The following ANKIB1 variants were observed in gnomAD, a reference collection of about 807,000 sequenced individuals.
ANKIB1 encodes ankyrin repeat and IBR domain-containing protein 1.
In ANKIB1, 43 loss-of-function variants were observed where a neutral mutation model predicts 122.1. That is an observed-to-expected ratio of 0.35 (90% CI 0.28 to 0.45). The LOEUF (loss-of-function observed/expected upper bound fraction) is 0.45, where lower values mean the gene tolerates loss of function less well. Among genes scored for constraint, ANKIB1 ranks in the 20% least tolerant of loss-of-function variants. The pLI, the probability that ANKIB1 is intolerant of heterozygous loss-of-function variation, is 1.00. For synonymous variants in ANKIB1, 390 were observed against 442.0 expected, an observed-to-expected ratio of 0.88 and a Z score of 1.48; for missense variants, 992 against 1,329.5, an observed-to-expected ratio of 0.75 and a Z score of 3.95.
intron 10 of ANKIB1, among the ~76,000 whole-genome samples, chr7:92,371,005 G>C (rs972938478): frequency 3.9e-4 from 59 of 152,132 alleles, no homozygotes; most frequent in Admixed American, 3.2e-3. Flanking sequence ...AGCTTATCCA[G>C]AATAATCATG....
rs762401711 is a variant in ANKIB1 at position 92,398,439 on chromosome 7, C to T, written c.2760C>T (p.Asp920=). 6.2e-7 allele frequency: 1 copy of T among 1,613,858 alleles called. No individual in the cohort carries two copies. Among genetic ancestry groups the T allele is most frequent in the Admixed American group, 1.7e-5 (1 of 60,004 alleles). ...LSSSELLELG[D]SLMRLGAEND... Reference sequence around the variant, plus strand: ...GCTCTGAGCTTTTGGAACTTGGTGACAGCCTCATGAGACTAGGAGCAGAGA... The same window carrying T: ...GCTCTGAGCTTTTGGAACTTGGTGATAGCCTCATGAGACTAGGAGCAGAGA... The change falls in exon 20 of 20, where the codon GAC becomes GAT. Residue 920 remains aspartate, a synonymous_variant. Coordinates refer to ENST00000265742, the MANE Select transcript of ANKIB1 (RefSeq NM_019004.2).
rs186169393 is a variant in ANKIB1, at chr7:92,384,248, A to G, written c.1618-2261A>G. The stretch of plus-strand genomic sequence containing the variant: ...ATGAAATAAAAGAGGACACAGACAA[A>G]TGGAAGAACATTCCATGCTCATGGA... On this transcript the variant is annotated intron_variant, in intron 11 of 19. Transcript: ENST00000265742. Among the ~76,000 whole-genome samples, 185 of 152,340 alleles carry G rather than the reference A, an allele frequency of 1.2e-3. 1 individual carries two copies. The highest frequency in any genetic ancestry group is 4.1e-3 in the African/African-American group (171 of 41,572).
chr7:92,375,804 AAT>A (rs1804366865), intron 11 of ANKIB1, among the ~76,000 whole-genome samples: 1 of 152,238 alleles, frequency 6.6e-6, no homozygotes, highest in Non-Finnish European at 1.5e-5. Flanking sequence ...CTGTCAGAGG[AAT>A]CACTATCTGT....
rs143761292 is a variant in ANKIB1, at chr7:92,335,755, A to G, written c.788-7269A>G. Among the ~76,000 whole-genome samples the G allele has an allele frequency of 2.0e-5, 3 of 152,094 alleles. No homozygotes were observed. The East Asian group carries it at 5.8e-4, about 29-fold the overall frequency. On this transcript the variant is annotated intron_variant, in intron 5 of 19. Coordinates refer to ENST00000265742, the MANE Select transcript of ANKIB1 (RefSeq NM_019004.2). The stretch of plus-strand genomic sequence containing the variant: ...TTCTGATGGACTGTTTAGTCCATTT[A>G]CATTTAATGTAATATTGTTGTGGTT...
intron 1 of ANKIB1, among the ~76,000 whole-genome samples, chr7:92,247,567 A>G (rs2131863701): frequency 6.6e-6 from 1 of 152,316 alleles, no homozygotes; most frequent in Admixed American, 6.5e-5. Flanking sequence ...GTATATTTTC[A>G]GATTTTTGAA....
chr7:92,356,343 A>G (rs1045842381), intron 9 of ANKIB1, among the ~76,000 whole-genome samples: 2 of 152,216 alleles, frequency 1.3e-5, no homozygotes, highest in Non-Finnish European at 2.9e-5. Flanking sequence ...TTATGGAAAA[A>G]TAGATTTTTC....
intron 2 of ANKIB1, among the ~76,000 whole-genome samples, chr7:92,300,119 A>T (rs2131926098): frequency 6.6e-6 from 1 of 152,280 alleles, no homozygotes; most frequent in Admixed American, 6.5e-5. Flanking sequence ...AGTAATTTTT[A>T]AAATCGTATA....
chr7:92,392,282 C>T lies in ANKIB1; in HGVS notation c.2273C>T (p.Ala758Val). 6.2e-7 allele frequency: 1 copy of T among 1,609,980 alleles called. No individual in the cohort carries two copies. The highest frequency in any genetic ancestry group is 1.1e-5 in the South Asian group (1 of 90,398). Residue 758 changes from alanine to valine, a missense_variant, in exon 17 of 20, where the codon GCA becomes GTA. Physicochemically the swap from Ala to Val is moderately conservative, Grantham distance 64. Around this residue, in one of 4 missense-constraint regions of ANKIB1, gnomAD observed 384 missense variants for 412.0 expected, o/e 0.93. Coordinates refer to ENST00000265742, the MANE Select transcript of ANKIB1 (RefSeq NM_019004.2). ...TGGGATTGGGAATATTTAGGATTTG[C>T]ATCACCAGAGGTAATTGTTTTATGG... ...GTWDWEYLGFASPEEYAEFQY... is the reference protein window; with the variant it reads ...GTWDWEYLGFVSPEEYAEFQY...
At chr7:92,398,146 C>T (rs1804940329) in intron 19 of ANKIB1, 66 bp from the exon 20 acceptor site, 1 of 1,473,102 alleles carries the variant, frequency 6.8e-7, no homozygotes, top group African/African-American at 1.4e-5. Flanking sequence ...GAATGGTAAA[C>T]CTGATTGAGT....
At chr7:92,339,040 CTTTT>C (rs1209380092) in intron 5 of ANKIB1, among the ~76,000 whole-genome samples, 4 of 64,892 alleles carry the variant, frequency 6.2e-5, no homozygotes, top group East Asian at 6.1e-4. Context: ...CTTGAATTTT[CTTTT>C]TTTTTTTTTT....
chr7:92,387,965 A>G lies in ANKIB1; in HGVS notation c.1840-10A>G. 2 of 1,591,310 alleles carry G rather than the reference A, an allele frequency of 1.3e-6. No homozygotes were observed. Among genetic ancestry groups the G allele is most frequent in the South Asian group, 1.1e-5 (1 of 88,046 alleles). On this transcript the variant is annotated splice_polypyrimidine_tract_variant and intron_variant, in intron 13 of 19. Coordinates refer to ENST00000265742, the MANE Select transcript of ANKIB1 (RefSeq NM_019004.2). ...AGAATGGTTTAAATTCTTTATTTCT[A>G]TTCCTTTAGCTAGAACAACGCCTTC...
In ANKIB1 at chr7:92,400,596, T is replaced by C. The variant is rs561437780; in HGVS notation, c.*1647T>C. On this transcript the variant is annotated 3_prime_UTR_variant, in exon 20 of 20. Coordinates refer to ENST00000265742, the MANE Select transcript of ANKIB1 (RefSeq NM_019004.2). Reference sequence around the variant, plus strand: ...ATGGGTTTTGATTACTTTTTTTTTTTCCAAACCCTGCTTTTGAAATATCCT... The same window carrying C: ...ATGGGTTTTGATTACTTTTTTTTTTCCCAAACCCTGCTTTTGAAATATCCT... 8 of 152,130 alleles carry C rather than the reference T, an allele frequency of 5.3e-5. No homozygotes were observed. Among genetic ancestry groups the C allele is most frequent in the African/African-American group, 1.7e-4 (7 of 41,520 alleles). The allele number at this position is 152,130 out of a possible 1,614,324, so 9.4% of individuals were successfully genotyped here. A position where few individuals can be genotyped will look rare whatever the true frequency, so the allele number is the denominator to read the frequency against.
chr7:92,378,144 C>T (rs370499081), intron 11 of ANKIB1, among the ~76,000 whole-genome samples: 36 of 152,112 alleles, frequency 2.4e-4, no homozygotes, highest in African/African-American at 8.7e-4. Context: ...AGTAATTAAC[C>T]AAGTAGAGTT....
At chr7:92,309,281 C>G (rs190051094) in intron 3 of ANKIB1, among the ~76,000 whole-genome samples, 2 of 152,244 alleles carry the variant, frequency 1.3e-5, no homozygotes, top group East Asian at 3.9e-4. Context: ...GACAAGATCT[C>G]TCTATGTTGT....
At chr7:92,360,292 A>G (rs1303620642) in intron 9 of ANKIB1, among the ~76,000 whole-genome samples, 1 of 152,218 alleles carries the variant, frequency 6.6e-6, no homozygotes, top group East Asian at 1.9e-4. Flanking sequence ...TGCCTATTCT[A>G]AATATTTAAT....
rs561708682 is a variant in ANKIB1, at chr7:92,374,724, A to G, written c.1617+3117A>G. ...AAGGATATGACTCAAAAATTTAGAA[A>G]AAAAATAAACTTGAAGAAAACCAGG... On this transcript the variant is annotated intron_variant, in intron 11 of 19. Transcript: ENST00000265742. Among the ~76,000 whole-genome samples, 40 of 152,174 alleles carry G rather than the reference A, an allele frequency of 2.6e-4. 2 individuals carry two copies. The highest frequency in any genetic ancestry group is 1.4e-3 in the South Asian group (7 of 4,834).
At chr7:92,380,111 G>T (rs998256137) in intron 11 of ANKIB1, among the ~76,000 whole-genome samples, 1 of 152,208 alleles carries the variant, frequency 6.6e-6, no homozygotes, top group Admixed American at 6.5e-5. Flanking sequence ...ACCTGGCTCA[G>T]CAGGTCCCAC....
rs936565027 is a variant in ANKIB1, at chr7:92,246,469, C to G, written c.-141C>G. ...AGAGGCAGGGGCGGCGGAGGCGGAA[C>G]TGCGGAGTTGCTGGGTCCACCGACC... On this transcript the variant is annotated 5_prime_UTR_variant, in exon 1 of 20. Transcript: ENST00000265742. The G allele has an allele frequency of 9.6e-6, 5 of 518,138 alleles. No homozygotes were observed. The highest frequency in any genetic ancestry group is 1.9e-5 in the African/African-American group (1 of 51,966). The allele number at this position is 518,138 out of a possible 1,614,324, so 32.1% of individuals were successfully genotyped here.
At chr7:92,331,381 C>T (rs1055914171) in intron 5 of ANKIB1, among the ~76,000 whole-genome samples, 1 of 151,662 alleles carries the variant, frequency 6.6e-6, no homozygotes, top group Non-Finnish European at 1.5e-5. Flanking sequence ...GATTCTCTTG[C>T]CTCAGCCTCC....
Sources: allele counts gnomAD v4.1 joint callset (sites outside exome capture counted in the v4.1 genomes callset), GRCh38; gene constraint gnomAD v4.1.1; regional missense constraint gnomAD v4.1.1; transcripts MANE v1.5; gene names NCBI Gene and HGNC (gene_info 2026-07-23, HGNC 2026-07-21).